The following QSOX1 variants were observed in gnomAD, a reference collection of about 807,000 sequenced individuals.
The protein encoded by QSOX1 is sulfhydryl oxidase 1.
Under a neutral mutation model 76.1 loss-of-function variants are expected in QSOX1, and 40 were observed. The observed-to-expected ratio is 0.53, with a 90% confidence interval of 0.41 to 0.68. The LOEUF is 0.68. Among genes scored for constraint, QSOX1 ranks in the 30% least tolerant of loss-of-function variants. The pLI, the probability that QSOX1 is intolerant of heterozygous loss-of-function variation, is 0.00. For synonymous variants in QSOX1, 392 were observed against 413.1 expected, an observed-to-expected ratio of 0.95 and a Z score of 0.62; for missense variants, 931 against 974.3, an observed-to-expected ratio of 0.96 and a Z score of 0.59.
chr1:180,162,101 G>A (rs1662504730), intron 1 of QSOX1, among the ~76,000 whole-genome samples: 1 of 152,180 alleles, frequency 6.6e-6, no homozygotes. Flanking sequence ...GGTTATTGCT[G>A]TGCATACAAC....
At chr1:180,158,805 A>C (rs983888880) in intron 1 of QSOX1, among the ~76,000 whole-genome samples, 1 of 151,626 alleles carries the variant, frequency 6.6e-6, no homozygotes, top group African/African-American at 2.4e-5. Flanking sequence ...CCCACTTAAC[A>C]CTCGGAGGCT....
chr1:180,174,551 G>A (rs1662835505), intron 2 of QSOX1, among the ~76,000 whole-genome samples: 1 of 152,146 alleles, frequency 6.6e-6, no homozygotes, highest in Non-Finnish European at 1.5e-5. Context: ...AAGGAGCAAG[G>A]GCACATTGAC....
intron 3 of QSOX1, among the ~76,000 whole-genome samples, chr1:180,175,577 A>G (rs1406059974): frequency 1.3e-5 from 2 of 152,174 alleles, no homozygotes; most frequent in Non-Finnish European, 2.9e-5. Flanking sequence ...CAGGTTGGAC[A>G]TATCCAGGGC....
intron 9 of QSOX1, 140 bp downstream of exon 9, chr1:180,189,814 A>G (rs945253224): frequency 3.8e-5 from 34 of 904,482 alleles, no homozygotes; most frequent in Admixed American, 1.7e-4. Flanking sequence ...ACAATAATCA[A>G]TAAATGACTA....
chr1:180,180,236 G>GT (rs1449477296), intron 5 of QSOX1, among the ~76,000 whole-genome samples: 1 of 152,224 alleles, frequency 6.6e-6, no homozygotes, highest in Admixed American at 6.5e-5. Context: ...GTGAGACGGA[G>GT]TTTCACTCTT....
At position 180,190,416 on chromosome 1, in the gene QSOX1, A is replaced by G. The variant is rs774731579; in HGVS notation, c.1141-17A>G. 4 of 1,609,036 alleles carry G rather than the reference A, an allele frequency of 2.5e-6. No homozygotes were observed. The highest frequency in any genetic ancestry group is 3.4e-6 in the Non-Finnish European group (4 of 1,175,478). On this transcript the variant is annotated splice_polypyrimidine_tract_variant and intron_variant, in intron 9 of 11. Coordinates refer to ENST00000367602, the MANE Select transcript of QSOX1 (RefSeq NM_002826.5). Reference sequence around the variant, plus strand: ...TTTCCTTCTCCATATGTGCACTCACACTCATGTGTCCCTCAGGGTGCCGTT... The same window carrying G: ...TTTCCTTCTCCATATGTGCACTCACGCTCATGTGTCCCTCAGGGTGCCGTT...
chr1:180,196,422 C>T lies in QSOX1; in HGVS notation c.1629C>T (p.Asp543=), dbSNP rs1156744158. ...TCTCCCCAAGCAACATCATCCTGGA[C>T]TTCCCTGCAGCTGGGTCAGCTGCCC... ...AHFSPSNIIL[D]FPAAGSAARR... Residue 543 remains aspartate, a synonymous_variant, in exon 12 of 12, where the codon GAC becomes GAT. Transcript: ENST00000367602. This position sits in a 1 kb window ranked among gnomAD's most constrained non-coding sequence, Gnocchi z 4.1. The T allele has an allele frequency of 1.2e-6, 2 of 1,614,114 alleles. No homozygotes were observed. The highest frequency in any genetic ancestry group is 2.2e-5 in the East Asian group (1 of 44,896).
At chr1:180,180,244 C>A (rs1333909296) in intron 5 of QSOX1, among the ~76,000 whole-genome samples, 1 of 152,250 alleles carries the variant, frequency 6.6e-6, no homozygotes, top group Non-Finnish European at 1.5e-5. Flanking sequence ...GAGTTTCACT[C>A]TTGTTGCCCA....
rs1663522940 is a variant in QSOX1 at position 180,197,348 on chromosome 1, G to A, written c.*311G>A. 1 of 1,613,918 alleles carries A rather than the reference G, an allele frequency of 6.2e-7. No individual in the cohort carries two copies. ...TGTTTTTCAGCTTATTTGAAGTCCT[G>A]CCTCATTCTCACTGGAGCCTCAGTC... On this transcript the variant is annotated 3_prime_UTR_variant, in exon 12 of 12. Coordinates refer to ENST00000367602, the MANE Select transcript of QSOX1 (RefSeq NM_002826.5).
Position 180,190,438 on chromosome 1 carries a change from C to T in QSOX1, c.1146C>T (p.Ala382=), listed in dbSNP as rs754522653. 12 of 1,613,252 alleles carry T rather than the reference C, an allele frequency of 7.4e-6. No homozygotes were observed. The highest frequency in any genetic ancestry group is 4.5e-5 in the East Asian group (2 of 44,900). The part of the protein sequence containing the change: ...KTALDDRKEG[A]VLAKKVNWIG... ...CACACTCATGTGTCCCTCAGGGTGC[C>T]GTTCTTGCCAAGAAGGTGAACTGGA... The change falls in exon 10 of 12, where the codon GCC becomes GCT. Residue 382 remains alanine, a synonymous_variant. Transcript: ENST00000367602.
intron 1 of QSOX1, among the ~76,000 whole-genome samples, chr1:180,155,834 G>A (rs61429245): frequency 0.031 from 4,715 of 152,132 alleles, 143 homozygotes; most frequent in East Asian, 0.091. Flanking sequence ...CTCTTCCCCC[G>A]CTCAGACCCT....
At chr1:180,160,347 G>A (rs1026852751) in intron 1 of QSOX1, among the ~76,000 whole-genome samples, 2 of 151,482 alleles carry the variant, frequency 1.3e-5, no homozygotes, top group Non-Finnish European at 2.9e-5. Flanking sequence ...CTGTTCGCTA[G>A]TAGGTAGCAG....
At chr1:180,192,424 C>T (rs907775692) in intron 10 of QSOX1, among the ~76,000 whole-genome samples, 1 of 152,194 alleles carries the variant, frequency 6.6e-6, no homozygotes, top group African/African-American at 2.4e-5. Flanking sequence ...TGGGCTACTG[C>T]AGGCAGGGGG....
Position 180,198,131 on chromosome 1 carries a change from G to T in QSOX1, c.*1094G>T, listed in dbSNP as rs865977994. 8 of 454,728 alleles carry T rather than the reference G, an allele frequency of 1.8e-5. No homozygotes were observed. The highest frequency in any genetic ancestry group is 1.2e-4 in the African/African-American group (6 of 50,024). 28.2% of individuals were successfully genotyped at this position (454,728 alleles called of 1,614,324 possible). On this transcript the variant is annotated 3_prime_UTR_variant, in exon 12 of 12. Transcript: ENST00000367602. ...CCTCACCTGGAATGCAGCCAGACTC[G>T]ATGTCCCTCAGCACACACAGCTCCT...
Position 180,175,944 on chromosome 1 carries a change from C to A in QSOX1, c.426C>A (p.Asp142Glu), listed in dbSNP as rs77576543. The change falls in exon 4 of 12, where the codon GAC (aspartate) becomes GAA (glutamate). Residue 142 changes from aspartate (D) to glutamate (E), a missense_variant. Asp to Glu is a conservative substitution (Grantham distance 45, BLOSUM62 2). Transcript: ENST00000367602. Reference sequence around the variant, plus strand: ...TTTCATTTACAGTGGCTGGTGCTGACGTGCAGACACTGCGGGAGAGGCTCA... The same window carrying A: ...TTTCATTTACAGTGGCTGGTGCTGAAGTGCAGACACTGCGGGAGAGGCTCA... ...SGAVFPVAGA[D>E]VQTLRERLID... is the part of the protein sequence containing the mutation. The A allele has an allele frequency of 6.3e-7, 1 of 1,593,606 alleles. No homozygotes were observed. The highest frequency in any genetic ancestry group is 1.1e-5 in the South Asian group (1 of 87,802).
Position 180,198,908 on chromosome 1 carries a change from CT to C in QSOX1, c.*1872del, listed in dbSNP as rs1257432585. 1 of 161,416 alleles carries C rather than the reference CT, an allele frequency of 6.2e-6. No individual in the cohort carries two copies. The highest frequency in any genetic ancestry group is 1.4e-5 in the Non-Finnish European group (1 of 72,776). The allele number at this position is 161,416 out of a possible 1,614,324, so 10.0% of individuals were successfully genotyped here. ...GCTGAATAAGCCTGCCCTTCACCCC[CT>C]AAGGGCTCCTTGCCCAATGCCAAGT... On this transcript the variant is annotated 3_prime_UTR_variant, in exon 12 of 12. Coordinates refer to ENST00000367602, the MANE Select transcript of QSOX1 (RefSeq NM_002826.5).
intron 1 of QSOX1, among the ~76,000 whole-genome samples, chr1:180,157,184 G>C (rs1662393936): frequency 6.6e-6 from 1 of 152,222 alleles, no homozygotes; most frequent in South Asian, 2.1e-4. Flanking sequence ...GTGGGGGTGA[G>C]CCAGGGTAAA....
chr1:180,172,205 C>T (rs1347128015), intron 2 of QSOX1, among the ~76,000 whole-genome samples: 2 of 152,112 alleles, frequency 1.3e-5, no homozygotes, highest in Non-Finnish European at 2.9e-5. Context: ...TAGAAGGATT[C>T]GAATCTATCT....
intron 6 of QSOX1, 114 bp from the exon 7 acceptor site, chr1:180,183,802 T>C (rs1663099455): frequency 8.1e-7 from 1 of 1,234,172 alleles, no homozygotes. Flanking sequence ...CGTTCACATA[T>C]TTAATAAACC....
Sources: gnomAD v4.1 joint callset for allele counts (sites outside exome capture counted in the v4.1 genomes callset) on GRCh38, gnomAD v4.1.1 for gene constraint, Gnocchi (gnomAD v3.1) non-coding constraint, MANE v1.5 for transcripts, NCBI Gene and HGNC (gene_info 2026-07-23, HGNC 2026-07-21) for gene names.